The following CEP41 variants were observed in gnomAD, a reference collection of about 807,000 sequenced individuals.
CEP41 encodes the protein centrosomal protein 41.
CEP41 carries 32 observed loss-of-function variants against 44.3 expected under a neutral mutation model. The observed-to-expected ratio is 0.72, with a 90% CI of 0.54 to 0.97. CEP41 has a LOEUF of 0.97. CEP41 is among the 50% of genes least tolerant of loss of function. CEP41 has a pLI of 0.00. For missense variants in CEP41, 432 were observed against 455.2 expected, an observed-to-expected ratio of 0.95 and a Z score of 0.46; for synonymous variants, 151 against 168.5, an observed-to-expected ratio of 0.90 and a Z score of 0.80.
intron 7 of CEP41, 124 bp from the exon 8 acceptor site, chr7:130,402,072 G>A: frequency 1.4e-6 from 1 of 715,796 alleles, no homozygotes; most frequent in South Asian, 1.5e-5. Context: ...TGCTGGGCAT[G>A]GTGGCTAACA....
intron 3 of CEP41, among the ~76,000 whole-genome samples, chr7:130,414,091 G>A (rs916731309): frequency 4.9e-4 from 75 of 152,222 alleles, no homozygotes; most frequent in African/African-American, 1.7e-3. Flanking sequence ...ACTCAGAGTC[G>A]GGAAATGATA....
chr7:130,424,521 C>T (rs1428990951), intron 2 of CEP41, among the ~76,000 whole-genome samples: 7 of 152,032 alleles, frequency 4.6e-5, no homozygotes, highest in African/African-American at 1.7e-4. Flanking sequence ...ACACATGGAT[C>T]ATGGGATCAG....
rs1369568863 is a variant in CEP41, at chr7:130,422,095, G to C, written c.98-5129C>G. 8 of 1,482,718 alleles carry C rather than the reference G, an allele frequency of 5.4e-6. No individual in the cohort carries two copies. The Admixed American group carries it at 1.6e-4, about 30-fold the overall frequency. The allele number at this position is 1,482,718 out of a possible 1,614,324, so 91.8% of individuals were successfully genotyped here. A position where few individuals can be genotyped will look rare whatever the true frequency, so the allele number is the denominator to read the frequency against. On this transcript the variant is annotated intron_variant, in intron 2 of 10. Transcript: ENST00000223208. ...CTCAGTGTTTGAGTTCATATGAGAA[G>C]CAGAGCCAGAGGTATAAAAACAAAA...
At chr7:130,416,575 G>C (rs899295132) in intron 3 of CEP41, among the ~76,000 whole-genome samples, 1 of 152,184 alleles carries the variant, frequency 6.6e-6, no homozygotes, top group African/African-American at 2.4e-5. Flanking sequence ...GACAAAATAA[G>C]ACAGAAAAGA....
At position 130,400,793 on chromosome 7, in the gene CEP41, A is replaced by G. The variant is rs1409468056; in HGVS notation, c.671T>C (p.Leu224Pro). 10 of 1,612,996 alleles carry G rather than the reference A, an allele frequency of 6.2e-6. No individual in the cohort carries two copies. The highest frequency in any genetic ancestry group is 8.5e-6 in the Non-Finnish European group (10 of 1,179,486). ...GGCCAGCCTTTCATCATCGTCATAC[A>G]GAATGATGATCTTGCCATGGGCATT... ...YKNAHGKIII[L>P]YDDDERLASQ... is the part of the protein sequence containing the mutation. Residue 224 changes from leucine to proline, a missense_variant, in exon 9 of 11, where the codon CTG (leucine) becomes CCG (proline). By Grantham distance (98) the Leu-to-Pro change is moderately conservative. Transcript: ENST00000223208.
Position 130,404,653 on chromosome 7 carries a change from C to G in CEP41, c.333G>C (p.Gly111=). 4 of 1,612,988 alleles carry G rather than the reference C, an allele frequency of 2.5e-6. No individual in the cohort carries two copies. Among genetic ancestry groups the G allele is most frequent in the Non-Finnish European group, 3.4e-6 (4 of 1,178,980 alleles). ...PDAETTARTN[G]KGNPGEQSPS... ...GCGACTGCTCACCTGGATTTCCTTT[C>G]CCATTGGTCCTGGCAGTGGTTTCAG... Residue 111 remains glycine, a synonymous_variant, in exon 6 of 11, where the codon GGG becomes GGC. Coordinates refer to ENST00000223208, the MANE Select transcript of CEP41 (RefSeq NM_018718.3).
In CEP41 at chr7:130,398,930, G is replaced by C. The variant is rs1554416090; in HGVS notation, c.1083C>G (p.Ser361=). 1 of 1,614,254 alleles carries C rather than the reference G, an allele frequency of 6.2e-7. No homozygotes were observed. The highest frequency in any genetic ancestry group is 8.5e-7 in the Non-Finnish European group (1 of 1,180,042). The change falls in exon 11 of 11, where the codon TCC becomes TCG. Residue 361 remains serine (S), a synonymous_variant. Transcript: ENST00000223208. Reference sequence around the variant, plus strand: ...TGCCTTGCAGGTGACCACTGCTGAGGGAGCGGGGGTTTGAGTGGCTGGCGG... The same window carrying C: ...TGCCTTGCAGGTGACCACTGCTGAGCGAGCGGGGGTTTGAGTGGCTGGCGG... ...GGPASHSNPR[S]LSSGHLQGKP...
At chr7:130,425,699 A>G (rs58418824) in intron 2 of CEP41, among the ~76,000 whole-genome samples, 12 of 152,348 alleles carry the variant, frequency 7.9e-5, no homozygotes, top group Non-Finnish European at 1.0e-4. Flanking sequence ...AAATATGTGC[A>G]TAAGTGTTTA....
At chr7:130,410,008 G>A (rs556582409) in intron 5 of CEP41, among the ~76,000 whole-genome samples, 2 of 150,362 alleles carry the variant, frequency 1.3e-5, no homozygotes, top group East Asian at 3.9e-4. Flanking sequence ...CCAGTGCCTT[G>A]AGGAAGCCTA....
Position 130,398,675 on chromosome 7 carries a change from T to C in CEP41, c.*216A>G, listed in dbSNP as rs1205218457. 2.7e-6 allele frequency: 2 copies of C among 736,456 alleles called. No individual in the cohort carries two copies. The highest frequency in any genetic ancestry group is 2.5e-5 in the East Asian group (1 of 39,580). The allele number at this position is 736,456 out of a possible 1,614,324, so 45.6% of individuals were successfully genotyped here. A position where few individuals can be genotyped will look rare whatever the true frequency, so the allele number is the denominator to read the frequency against. ...ACAACAGGGAGGAGACTAGAGCCTGTCACACCTCTGGTTTTTATGGTCACC... is the reference window on the plus strand; with the variant it reads ...ACAACAGGGAGGAGACTAGAGCCTGCCACACCTCTGGTTTTTATGGTCACC... On this transcript the variant is annotated 3_prime_UTR_variant, in exon 11 of 11. Coordinates refer to ENST00000223208, the MANE Select transcript of CEP41 (RefSeq NM_018718.3).
At chr7:130,406,276 A>G (rs1415459021) in intron 5 of CEP41, among the ~76,000 whole-genome samples, 2 of 152,164 alleles carry the variant, frequency 1.3e-5, no homozygotes, top group Admixed American at 6.5e-5. Context: ...CAATACAATA[A>G]AGTTTTTTTA....
chr7:130,422,671 C>A (rs546403436), intron 2 of CEP41, among the ~76,000 whole-genome samples: 1 of 152,152 alleles, frequency 6.6e-6, no homozygotes, highest in Non-Finnish European at 1.5e-5. Context: ...AAATTTGAAA[C>A]AACAAAAAAA....
At chr7:130,426,156 G>A (rs782237104) in intron 2 of CEP41, among the ~76,000 whole-genome samples, 4 of 152,082 alleles carry the variant, frequency 2.6e-5, no homozygotes, top group East Asian at 1.9e-4. Flanking sequence ...TGGGTAAAGC[G>A]TACATGGAAT....
chr7:130,398,946 T>C lies in CEP41; in HGVS notation c.1067A>G (p.His356Arg). 1.2e-6 allele frequency: 2 copies of C among 1,614,200 alleles called. No individual in the cohort carries two copies. The highest frequency in any genetic ancestry group is 1.7e-6 in the Non-Finnish European group (2 of 1,180,020). ...QNLPGGGPAS[H>R]SNPRSLSSGH... ...ACTGCTGAGGGAGCGGGGGTTTGAG[T>C]GGCTGGCGGGGCCGCCACCTGGCAG... The change falls in exon 11 of 11, where the codon CAC (histidine) becomes CGC (arginine). Residue 356 changes from histidine (H) to arginine (R), a missense_variant. Coordinates refer to ENST00000223208, the MANE Select transcript of CEP41 (RefSeq NM_018718.3).
At chr7:130,429,569 C>T (rs1797765450) in intron 1 of CEP41, among the ~76,000 whole-genome samples, 2 of 152,350 alleles carry the variant, frequency 1.3e-5, no homozygotes, top group Admixed American at 1.3e-4. Flanking sequence ...CAATGTCTTC[C>T]TGGCTTTATC....
intron 4 of CEP41, among the ~76,000 whole-genome samples, chr7:130,411,418 A>T (rs1797179565): frequency 6.6e-6 from 1 of 152,194 alleles, no homozygotes; most frequent in South Asian, 2.1e-4. Context: ...CACTACATAA[A>T]CTTAGAATGC....
chr7:130,401,308 A>C (rs1584868940), intron 8 of CEP41: 1 of 175,630 alleles, frequency 5.7e-6, no homozygotes. Context: ...TTGCATCAGC[A>C]TGGGGAAATA....
At chr7:130,425,446 G>C (rs937949921) in intron 2 of CEP41, among the ~76,000 whole-genome samples, 13 of 152,092 alleles carry the variant, frequency 8.5e-5, no homozygotes, top group African/African-American at 2.9e-4. Flanking sequence ...AAACTGCAAT[G>C]ATATATGCCA....
At chr7:130,402,561 C>T in intron 7 of CEP41, 87 bp downstream of exon 7, 1 of 1,408,900 alleles carries the variant, frequency 7.1e-7, no homozygotes, top group Non-Finnish European at 1.0e-6. Context: ...AACTGTCTAC[C>T]ATGGGCTGTG....
Sources: gnomAD v4.1 joint callset for allele counts (sites outside exome capture counted in the v4.1 genomes callset) on GRCh38, gnomAD v4.1.1 for gene constraint, MANE v1.5 for transcripts, NCBI Gene and HGNC (gene_info 2026-07-23, HGNC 2026-07-21) for gene names.